ASIC2: variants seen among roughly 807,000 people sequenced by gnomAD.
ASIC2 encodes acid-sensing ion channel 2.
Under a neutral mutation model 57.3 loss-of-function variants are expected in ASIC2, and 25 were observed. The observed-to-expected ratio is 0.44, with a 90% confidence interval of 0.32 to 0.61. The LOEUF (loss-of-function observed/expected upper bound fraction) is 0.61, where lower values mean the gene tolerates loss of function less well. Ranked by LOEUF, ASIC2 falls within the 20% of genes least tolerant of loss-of-function variation. The probability of loss-of-function intolerance (pLI) is 0.06; values close to 1 mark genes in which losing one functional copy is unlikely to be tolerated. For missense variants in ASIC2, 641 were observed against 738.1 expected (o/e 0.87, Z 1.52); for synonymous variants, 319 against 307.5 (o/e 1.04, Z -0.39).
chr17:33,096,592 C>A (rs1004969221), intron 2 of ASIC2, among the ~76,000 whole-genome samples: 1 of 152,162 alleles, frequency 6.6e-6, no homozygotes, highest in East Asian at 1.9e-4. Flanking sequence ...AAGTCTCTGT[C>A]CTCCTGGAGC....
intron 1 of ASIC2, among the ~76,000 whole-genome samples, chr17:33,281,704 G>C (rs371027887): frequency 1.1e-4 from 17 of 152,266 alleles, no homozygotes; most frequent in African/African-American, 2.9e-4. Flanking sequence ...GCATTGGTGC[G>C]AGGCAGGGTG....
intron 1 of ASIC2, among the ~76,000 whole-genome samples, chr17:34,099,120 G>A (rs375647002): frequency 1.4e-3 from 38 of 27,194 alleles, no homozygotes; most frequent in South Asian, 2.3e-3. Flanking sequence ...GAGAGAGAGA[G>A]AGAGAGAGAG....
At chr17:34,084,758 G>A (rs578124422) in intron 1 of ASIC2, among the ~76,000 whole-genome samples, 17 of 152,170 alleles carry the variant, frequency 1.1e-4, no homozygotes, top group African/African-American at 3.1e-4. Flanking sequence ...GGTCCTTTAC[G>A]TCCCTTGTAA....
intron 1 of ASIC2, among the ~76,000 whole-genome samples, chr17:33,933,053 C>G (rs1281170562): frequency 6.6e-6 from 1 of 152,198 alleles, no homozygotes; most frequent in East Asian, 1.9e-4. Context: ...AGGCCTTGCA[C>G]AGGCTGGTCC....
At chr17:33,476,165 C>G (rs1277064411) in intron 1 of ASIC2, among the ~76,000 whole-genome samples, 1 of 152,076 alleles carries the variant, frequency 6.6e-6, no homozygotes, top group African/African-American at 2.4e-5. Flanking sequence ...CTAGCAAGGA[C>G]CTAACCGGAG....
chr17:33,608,354 G>C (rs1345930803), intron 1 of ASIC2, among the ~76,000 whole-genome samples: 1 of 152,110 alleles, frequency 6.6e-6, no homozygotes, highest in East Asian at 1.9e-4. Flanking sequence ...GCTCCTTCCA[G>C]TAGGCCCTAA....
chr17:33,382,662 C>T (rs1486724805), intron 1 of ASIC2, among the ~76,000 whole-genome samples: 1 of 152,158 alleles, frequency 6.6e-6, no homozygotes, highest in African/African-American at 2.4e-5. Flanking sequence ...GTTTGACTAT[C>T]CTTGTTTTAT....
At chr17:33,446,953 G>T (rs1203762110) in intron 1 of ASIC2, among the ~76,000 whole-genome samples, 8 of 152,216 alleles carry the variant, frequency 5.3e-5, no homozygotes, top group Non-Finnish European at 1.2e-4. Flanking sequence ...GATTAAATGA[G>T]ATAATGGATA....
intron 1 of ASIC2, among the ~76,000 whole-genome samples, chr17:34,137,927 G>T (rs1912168916): frequency 6.6e-6 from 1 of 152,102 alleles, no homozygotes; most frequent in Non-Finnish European, 1.5e-5. Context: ...TCAGCTTGGG[G>T]TTAAGATTTT....
At chr17:33,354,516 C>G (rs1908303279) in intron 1 of ASIC2, among the ~76,000 whole-genome samples, 1 of 152,170 alleles carries the variant, frequency 6.6e-6, no homozygotes, top group Non-Finnish European at 1.5e-5. Flanking sequence ...TCAGCCAGGT[C>G]TATTCCACCA....
intron 1 of ASIC2, among the ~76,000 whole-genome samples, chr17:33,460,005 C>G (rs1912583196): frequency 6.6e-6 from 1 of 152,082 alleles, no homozygotes; most frequent in African/African-American, 2.4e-5. Flanking sequence ...AAAAAAAAAC[C>G]CAGACTTTTC....
chr17:33,528,293 C>T (rs1025079165), intron 1 of ASIC2, among the ~76,000 whole-genome samples: 7 of 151,456 alleles, frequency 4.6e-5, no homozygotes, highest in Non-Finnish European at 1.0e-4. Context: ...ACATGGGCTT[C>T]CTGTGGGGAA....
intron 1 of ASIC2, among the ~76,000 whole-genome samples, chr17:33,164,576 G>GCACGCA (rs1555576024): frequency 3.3e-5 from 5 of 149,884 alleles, no homozygotes; most frequent in African/African-American, 9.8e-5. Context: ...GCACATGCAC[G>GCACGCA]CACACACACA....
chr17:33,464,413 C>T (rs1293835924), intron 1 of ASIC2, among the ~76,000 whole-genome samples: 2 of 152,064 alleles, frequency 1.3e-5, no homozygotes, highest in Non-Finnish European at 2.9e-5. Flanking sequence ...AGACACTCCT[C>T]CTTAATTCCA....
At chr17:33,976,170 C>A (rs1905379331) in intron 1 of ASIC2, among the ~76,000 whole-genome samples, 1 of 151,196 alleles carries the variant, frequency 6.6e-6, no homozygotes, top group African/African-American at 2.4e-5. Context: ...GATCCAAGAT[C>A]ATCTGTAAAT....
intron 1 of ASIC2, among the ~76,000 whole-genome samples, chr17:33,590,924 G>A (rs1259297962): frequency 3.9e-5 from 6 of 152,218 alleles, no homozygotes; most frequent in Admixed American, 3.9e-4. Flanking sequence ...TAGGTACTCA[G>A]GAACAGCTGT....
chr17:34,061,022 G>A (rs1274507306), intron 1 of ASIC2, among the ~76,000 whole-genome samples: 2 of 152,242 alleles, frequency 1.3e-5, no homozygotes, highest in South Asian at 2.1e-4. Flanking sequence ...ATCACAAAAA[G>A]ATCTTCGCCT....
chr17:33,579,300 A>AAT (rs1555545129), intron 1 of ASIC2, among the ~76,000 whole-genome samples: 16 of 150,978 alleles, frequency 1.1e-4, no homozygotes, highest in South Asian at 2.1e-4. Context: ...AAAAAAAAAA[A>AAT]AAAATGCAGG....
intron 1 of ASIC2, among the ~76,000 whole-genome samples, chr17:33,709,929 C>A (rs999771001): frequency 3.9e-5 from 6 of 152,162 alleles, no homozygotes; most frequent in African/African-American, 1.4e-4. Flanking sequence ...TTATGGGCAA[C>A]CCTTATTATC....
Sources: allele counts gnomAD v4.1 joint callset (sites outside exome capture counted in the v4.1 genomes callset), GRCh38; gene constraint gnomAD v4.1.1; transcripts MANE v1.5; gene names NCBI Gene and HGNC (gene_info 2026-07-23, HGNC 2026-07-21).